THSD4: variants seen among roughly 807,000 people sequenced by gnomAD.
THSD4 encodes the protein thrombospondin type 1 domain containing 4.
A neutral mutation model predicts 119.0 loss-of-function variants in THSD4; 69 were observed. The ratio of observed to expected loss-of-function variants is 0.58; its 90% CI spans 0.48 to 0.71. The LOEUF (loss-of-function observed/expected upper bound fraction) is 0.71. Among genes scored for constraint, THSD4 ranks in the 30% least tolerant of loss-of-function variants. THSD4 has a pLI of 0.00. For missense variants in THSD4, 1,393 were observed against 1,391.1 expected, an observed-to-expected ratio of 1.00 and a Z score of -0.02; for synonymous variants, 524 against 540.4, an observed-to-expected ratio of 0.97 and a Z score of 0.42.
At chr15:71,435,142 C>A (rs1364089214) in intron 7 of THSD4, among the ~76,000 whole-genome samples, 1 of 152,102 alleles carries the variant, frequency 6.6e-6, no homozygotes, top group African/African-American at 2.4e-5. Flanking sequence ...GTAATTAAAA[C>A]AAATCCTTAT....
At chr15:71,323,552 A>G (rs1056956915) in intron 6 of THSD4, among the ~76,000 whole-genome samples, 5 of 152,202 alleles carry the variant, frequency 3.3e-5, no homozygotes, top group Non-Finnish European at 5.9e-5. Context: ...GGTTCCAGGT[A>G]GTCATCTTGA....
chr15:71,460,856 T>C (rs934224937), intron 7 of THSD4, among the ~76,000 whole-genome samples: 1 of 152,148 alleles, frequency 6.6e-6, no homozygotes, highest in African/African-American at 2.4e-5. Context: ...TGTCCCCGGT[T>C]TATACATATT....
At chr15:71,143,611 G>T (rs1440217691) in intron 2 of THSD4, among the ~76,000 whole-genome samples, 1 of 151,890 alleles carries the variant, frequency 6.6e-6, no homozygotes, top group Non-Finnish European at 1.5e-5. Context: ...CACCCAGGCT[G>T]CACAGGCAGG....
chr15:71,345,411 AT>A (rs1255030307), intron 6 of THSD4, among the ~76,000 whole-genome samples: 2 of 152,002 alleles, frequency 1.3e-5, no homozygotes, highest in Non-Finnish European at 2.9e-5. Context: ...GACCTCTGTG[AT>A]TGGCCCTTTC....
chr15:71,344,684 C>T (rs1022489167), intron 6 of THSD4, among the ~76,000 whole-genome samples: 6 of 152,020 alleles, frequency 3.9e-5, no homozygotes, highest in Admixed American at 2.6e-4. Context: ...CTCTGGGCTC[C>T]GGGTAGGGGC....
intron 6 of THSD4, among the ~76,000 whole-genome samples, chr15:71,396,379 C>T (rs1566968610): frequency 1.3e-5 from 2 of 152,088 alleles, no homozygotes; most frequent in African/African-American, 2.4e-5. Context: ...GAAGTCAAGC[C>T]GTCCTCCCCT....
At chr15:71,750,918 C>T (rs2053436247) in intron 14 of THSD4, among the ~76,000 whole-genome samples, 1 of 152,196 alleles carries the variant, frequency 6.6e-6, no homozygotes, top group Non-Finnish European at 1.5e-5. Flanking sequence ...AGCCTCCTTG[C>T]CAGCATGAGG....
intron 6 of THSD4, among the ~76,000 whole-genome samples, chr15:71,336,219 A>C (rs922069382): frequency 6.6e-6 from 1 of 152,232 alleles, no homozygotes; most frequent in African/African-American, 2.4e-5. Context: ...CAACTTCTAG[A>C]ATAAAAATGT....
chr15:71,123,384 C>T (rs2141354888), intron 1 of THSD4, among the ~76,000 whole-genome samples: 1 of 152,310 alleles, frequency 6.6e-6, no homozygotes, highest in South Asian at 2.1e-4. Context: ...CTTTAAGCTT[C>T]AGTTTCCTCA....
At chr15:71,187,298 G>A (rs1018739999) in intron 3 of THSD4, 1 of 152,636 alleles carries the variant, frequency 6.6e-6, no homozygotes, top group African/African-American at 2.4e-5. Flanking sequence ...AACCCCAAGG[G>A]TTGATGAGAA....
intron 7 of THSD4, among the ~76,000 whole-genome samples, chr15:71,430,216 A>G (rs1044159923): frequency 2.0e-5 from 3 of 152,192 alleles, no homozygotes; most frequent in African/African-American, 7.2e-5. Context: ...AAAAACAATG[A>G]ACAGGGCTAG....
chr15:71,564,689 A>G (rs1252405873), intron 7 of THSD4, among the ~76,000 whole-genome samples: 1 of 16,670 alleles, frequency 6.0e-5, no homozygotes, highest in African/African-American at 3.0e-4. Flanking sequence ...ATAATACAAT[A>G]TATAGTATAA....
intron 7 of THSD4, among the ~76,000 whole-genome samples, chr15:71,568,568 C>CTTTTTTTTTTTTTTTT (rs61430926): frequency 2.2e-5 from 3 of 137,876 alleles, no homozygotes; most frequent in Non-Finnish European, 3.1e-5. Flanking sequence ...CTCTTTTTCT[C>CTTTTTTTTTTTTTTTT]TTTTTTTTTT....
chr15:71,112,294 A>T (rs1233615701), upstream of THSD4: 2 of 1,479,166 alleles, frequency 1.4e-6, no homozygotes, highest in Non-Finnish European at 1.8e-6. Flanking sequence ...TATCAACTTA[A>T]CTAGGACAAG....
chr15:71,541,802 G>A (rs2048764199), intron 7 of THSD4, among the ~76,000 whole-genome samples: 1 of 152,190 alleles, frequency 6.6e-6, no homozygotes, highest in Non-Finnish European at 1.5e-5. Context: ...GAGGATGGGG[G>A]AATGACCTTT....
chr15:71,561,315 A>G (rs1189705312), intron 7 of THSD4, among the ~76,000 whole-genome samples: 1 of 152,120 alleles, frequency 6.6e-6, no homozygotes, highest in Non-Finnish European at 1.5e-5. Flanking sequence ...AATATCGTAG[A>G]GTTTTAGTGA....
At chr15:71,613,336 C>T (rs1304223037) in intron 7 of THSD4, among the ~76,000 whole-genome samples, 1 of 152,160 alleles carries the variant, frequency 6.6e-6, no homozygotes, top group Non-Finnish European at 1.5e-5. Context: ...TTTAACATTT[C>T]CCAAACTTGT....
intron 7 of THSD4, among the ~76,000 whole-genome samples, chr15:71,630,887 C>G (rs2050613619): frequency 6.6e-6 from 1 of 152,220 alleles, no homozygotes; most frequent in African/African-American, 2.4e-5. Flanking sequence ...CCAGCTCTAT[C>G]CACATTTGGC....
rs139532380 is a variant in THSD4, at chr15:71,299,497, T to G, written c.1015+42782T>G. The stretch of plus-strand genomic sequence containing the variant: ...GAAGACAAATACTGCATTATCTCAC[T>G]TGTATGTGAAATCTAAAGAGTTCAG... On this transcript the variant is annotated intron_variant, in intron 6 of 17. Coordinates refer to ENST00000261862, the MANE Select transcript of THSD4 (RefSeq NM_024817.3). Among the ~76,000 whole-genome samples the G allele has an allele frequency of 2.9e-3, 435 of 152,296 alleles. 3 individuals carry two copies. The highest frequency in any genetic ancestry group is 0.01 in the African/African-American group (424 of 41,550).
Sources: gnomAD v4.1 joint callset for allele counts (sites outside exome capture counted in the v4.1 genomes callset) on GRCh38, gnomAD v4.1.1 for gene constraint, MANE v1.5 for transcripts, NCBI Gene and HGNC (gene_info 2026-07-23, HGNC 2026-07-21) for gene names.